FBXO15: variants seen among roughly 807,000 people sequenced by gnomAD.
FBXO15 encodes F-box only protein 15.
A neutral mutation model predicts 49.5 loss-of-function variants in FBXO15; 30 were observed. The ratio of observed to expected loss-of-function variants is 0.61; its 90% CI spans 0.45 to 0.82. The LOEUF is 0.82. Among genes scored for constraint, FBXO15 ranks in the 40% least tolerant of loss-of-function variants. The pLI, the probability that FBXO15 is intolerant of heterozygous loss-of-function variation, is 0.00. For missense variants in FBXO15, 591 were observed against 631.5 expected, an observed-to-expected ratio of 0.94 and a Z score of 0.69; for synonymous variants, 250 against 232.7, an observed-to-expected ratio of 1.07 and a Z score of -0.68.
At chr18:74,102,411 C>T (rs1369937393) in intron 8 of FBXO15, among the ~76,000 whole-genome samples, 1 of 152,064 alleles carries the variant, frequency 6.6e-6, no homozygotes, top group Non-Finnish European at 1.5e-5. Context: ...GCGATAATAC[C>T]TTACTCCTGC....
chr18:74,077,731 CTG>C (rs1047971710), intron 9 of FBXO15, among the ~76,000 whole-genome samples: 6 of 152,176 alleles, frequency 3.9e-5, no homozygotes, highest in African/African-American at 1.2e-4. Context: ...GCAGATGGCT[CTG>C]TCTTTGGCAG....
intron 8 of FBXO15, among the ~76,000 whole-genome samples, chr18:74,119,709 G>C (rs969976146): frequency 6.6e-6 from 1 of 152,206 alleles, no homozygotes; most frequent in African/African-American, 2.4e-5. Context: ...TCAAGGAACA[G>C]AGAGGAACTC....
intron 3 of FBXO15, among the ~76,000 whole-genome samples, chr18:74,132,328 G>T (rs1978442590): frequency 6.6e-6 from 1 of 152,120 alleles, no homozygotes; most frequent in South Asian, 2.1e-4. Context: ...TCCTTTAGCA[G>T]GACCTTTATG....
chr18:74,099,909 T>A (rs950220434), intron 8 of FBXO15: 1 of 151,996 alleles, frequency 6.6e-6, no homozygotes, highest in African/African-American at 2.4e-5. Flanking sequence ...GCTCCCAAAT[T>A]TATAAAACAA....
In FBXO15 at chr18:74,125,969, T is replaced by C; in HGVS notation, c.912+6A>G. The C allele has an allele frequency of 6.2e-7, 1 of 1,613,850 alleles. No individual in the cohort carries two copies. Among genetic ancestry groups the C allele is most frequent in the South Asian group, 1.1e-5 (1 of 91,074 alleles). ...GACACAGTACATACAGGGACTCAAG[T>C]CTTACCTTCCACACTCCCACCAGGA... On this transcript the variant is annotated splice_donor_region_variant and intron_variant, in intron 6 of 9. Transcript: ENST00000419743.
intron 8 of FBXO15, among the ~76,000 whole-genome samples, chr18:74,090,951 G>A (rs965737491): frequency 6.6e-6 from 1 of 152,104 alleles, no homozygotes; most frequent in African/African-American, 2.4e-5. Context: ...GAATATCTTT[G>A]TTAGTTTTCT....
intron 8 of FBXO15, among the ~76,000 whole-genome samples, chr18:74,096,437 A>G (rs1913277343): frequency 6.6e-6 from 1 of 152,100 alleles, no homozygotes; most frequent in Admixed American, 6.6e-5. Context: ...ACTACAGCCA[A>G]GGTGAAAATG....
chr18:74,129,468 G>A lies in FBXO15; in HGVS notation c.722C>T (p.Thr241Ile). The part of the protein sequence containing the change: ...KKWPCLASLS[T>I]LDLCGMTPVF... The stretch of plus-strand genomic sequence containing the variant: ...TGGTGTCATGCCACATAAATCTAAG[G>A]TTGACAATGATGCTAGGCATGGCCA... Residue 241 changes from threonine (T) to isoleucine (I), a missense_variant, in exon 5 of 10, where the codon ACC becomes ATC. Physicochemically the swap from Thr to Ile is moderately conservative, Grantham distance 89 (BLOSUM62 -1). Transcript: ENST00000419743. 6.2e-7 allele frequency: 1 copy of A among 1,613,916 alleles called. No individual in the cohort carries two copies. The highest frequency in any genetic ancestry group is 8.5e-7 in the Non-Finnish European group (1 of 1,179,926).
At chr18:74,137,745 G>C (rs185859794) in intron 2 of FBXO15, among the ~76,000 whole-genome samples, 6 of 152,290 alleles carry the variant, frequency 3.9e-5, no homozygotes, top group Admixed American at 3.9e-4. Context: ...GGGAGATAAG[G>C]GAAAGGGGAG....
intron 8 of FBXO15, among the ~76,000 whole-genome samples, chr18:74,088,094 A>T (rs1912829165): frequency 6.6e-6 from 1 of 152,246 alleles, no homozygotes; most frequent in Middle Eastern, 3.4e-3. Flanking sequence ...TTCCTTACAG[A>T]TGCTGGATGT....
intron 8 of FBXO15, among the ~76,000 whole-genome samples, chr18:74,088,819 A>T (rs1912873024): frequency 6.6e-6 from 1 of 152,094 alleles, no homozygotes; most frequent in Non-Finnish European, 1.5e-5. Flanking sequence ...AACAATATTG[A>T]TTTTTCCTAT....
intron 2 of FBXO15, among the ~76,000 whole-genome samples, chr18:74,137,628 C>T (rs1165240815): frequency 6.6e-6 from 1 of 152,074 alleles, no homozygotes; most frequent in Admixed American, 6.5e-5. Context: ...AATCATTGTT[C>T]AAATAATTTC....
At chr18:74,105,351 T>G (rs1027177793) in intron 8 of FBXO15, among the ~76,000 whole-genome samples, 1 of 152,228 alleles carries the variant, frequency 6.6e-6, no homozygotes, top group Non-Finnish European at 1.5e-5. Context: ...ACAAGTATAT[T>G]ATTTGATCTG....
chr18:74,118,415 T>C lies in FBXO15; in HGVS notation c.1138+4953A>G, dbSNP rs201405200. Among the ~76,000 whole-genome samples the C allele has an allele frequency of 7.8e-5, 7 of 89,180 alleles. No homozygotes were observed. In the South Asian group the frequency reaches 1.4e-3, roughly 18 times the overall value. The allele number at this position is 89,180 out of a possible 152,430, so 58.5% of individuals were successfully genotyped here. On this transcript the variant is annotated intron_variant, in intron 8 of 9. Transcript: ENST00000419743. ...CTGCGTATATACACATATATACACATATATATATATATGTGTATATACACA... is the reference window on the plus strand; with the variant it reads ...CTGCGTATATACACATATATACACACATATATATATATGTGTATATACACA...
At chr18:74,145,191 T>C (rs989098387) in intron 1 of FBXO15, among the ~76,000 whole-genome samples, 4 of 152,260 alleles carry the variant, frequency 2.6e-5, no homozygotes, top group African/African-American at 9.6e-5. Flanking sequence ...AGTTCAATTC[T>C]ACAAATACTT....
Position 74,081,981 on chromosome 18 carries a change from A to C in FBXO15, c.1209T>G (p.Leu403=). ...HLKNNREHLP[L]IGKVGLSWKT... ...TCCACGAGAGGCCAACTTTTCCAATAAGAGGTAGGTGTTCTCTGTTATTTT... is the reference window on the plus strand; with the variant it reads ...TCCACGAGAGGCCAACTTTTCCAATCAGAGGTAGGTGTTCTCTGTTATTTT... The change falls in exon 9 of 10, where the codon CTT becomes CTG. Residue 403 remains leucine, a synonymous_variant. Coordinates refer to ENST00000419743, the MANE Select transcript of FBXO15 (RefSeq NM_001142958.2). The C allele has an allele frequency of 6.2e-7, 1 of 1,613,330 alleles. No individual in the cohort carries two copies. Among genetic ancestry groups the C allele is most frequent in the Non-Finnish European group, 8.5e-7 (1 of 1,179,488 alleles).
At chr18:74,102,429 G>T (rs968870200) in intron 8 of FBXO15, among the ~76,000 whole-genome samples, 1 of 152,064 alleles carries the variant, frequency 6.6e-6, no homozygotes, top group African/African-American at 2.4e-5. Context: ...TGCAAGAAAG[G>T]CCATAATCAA....
Position 74,134,063 on chromosome 18 carries a change from G to A in FBXO15, c.332+1699C>T, listed in dbSNP as rs572895415. Among the ~76,000 whole-genome samples, 15 of 152,282 alleles carry A rather than the reference G, an allele frequency of 9.9e-5. No individual in the cohort carries two copies. The East Asian group carries it at 2.7e-3, about 27-fold the overall frequency. On this transcript the variant is annotated intron_variant, in intron 3 of 9. Coordinates refer to ENST00000419743, the MANE Select transcript of FBXO15 (RefSeq NM_001142958.2). ...TAATTCATTCTATAACTACTGTGAA[G>A]AACATTATTAGTTCATTCATTGATA...
chr18:74,077,460 A>C (rs1365682305), intron 9 of FBXO15, among the ~76,000 whole-genome samples: 1 of 151,936 alleles, frequency 6.6e-6, no homozygotes, highest in Non-Finnish European at 1.5e-5. Context: ...CCACCCAGGA[A>C]CCCCTCAGAC....
Sources: allele counts gnomAD v4.1 joint callset (sites outside exome capture counted in the v4.1 genomes callset), GRCh38; gene constraint gnomAD v4.1.1; transcripts MANE v1.5; gene names NCBI Gene and HGNC (gene_info 2026-07-23, HGNC 2026-07-21).